Variants in STAT1 observed in about 807,000 individuals in gnomAD.
The protein encoded by STAT1 is signal transducer and activator of transcription 1-alpha/beta.
Under a neutral mutation model 111.7 loss-of-function variants are expected in STAT1, and 24 were observed. The observed-to-expected ratio is 0.21, with a 90% CI of 0.16 to 0.30. The LOEUF is 0.30. Among genes scored for constraint, STAT1 ranks in the 10% least tolerant of loss-of-function variants. The pLI is 1.00. For synonymous variants in STAT1, 332 were observed against 326.5 expected (o/e 1.02, Z -0.18); for missense variants, 351 against 911.9 (o/e 0.38, Z 7.92).
Position 190,970,619 on chromosome 2 carries a change from A to C in STAT1, c.*84T>G. 11 of 1,462,094 alleles carry C rather than the reference A, an allele frequency of 7.5e-6. No homozygotes were observed. Among genetic ancestry groups the C allele is most frequent in the Non-Finnish European group, 1.1e-5 (11 of 1,043,176 alleles). The allele number at this position is 1,462,094 out of a possible 1,614,324, so 90.6% of individuals were successfully genotyped here. ...CTTTCTTTCATTTCCCTAGAAACAC[A>C]GGATGTGAAGGAACAGAGTAGCAGG... On this transcript the variant is annotated 3_prime_UTR_variant, in exon 25 of 25. Transcript: ENST00000361099. This position sits in a 1 kb window ranked among gnomAD's most constrained non-coding sequence, Gnocchi z 5.4.
chr2:190,972,293 A>G (rs1031688766), intron 24 of STAT1, among the ~76,000 whole-genome samples: 6 of 152,252 alleles, frequency 3.9e-5, no homozygotes, highest in African/African-American at 1.4e-4. Context: ...TAGTCCTATC[A>G]TTATGAGCTT....
At chr2:190,985,333 T>C (rs763341593) in intron 15 of STAT1, among the ~76,000 whole-genome samples, 11 of 152,210 alleles carry the variant, frequency 7.2e-5, no homozygotes, top group Non-Finnish European at 1.5e-4. Flanking sequence ...TGTGAGTCAA[T>C]TTCTTCACCC....
At chr2:190,988,595 G>T (rs1214321903) in intron 12 of STAT1, among the ~76,000 whole-genome samples, 1 of 152,154 alleles carries the variant, frequency 6.6e-6, no homozygotes, top group Non-Finnish European at 1.5e-5. Flanking sequence ...GGCCAGGCCG[G>T]TCTCAAACTC....
At chr2:190,992,793 CTT>C (rs112075173) in intron 10 of STAT1, 4,102 of 369,546 alleles carry the variant, frequency 0.011, no homozygotes, top group South Asian at 0.017. Flanking sequence ...TGCATTCTTT[CTT>C]TTTTTTTTTT....
chr2:190,974,699 AG>A lies in STAT1; in HGVS notation c.2238+130del, dbSNP rs1378915636. ...GCTCCAACTTGTCATGGCTCATCTG[AG>A]CACTGCACTCTCCTTGGCTCCGCCA... On this transcript the variant is annotated intron_variant, in intron 24 of 24. Coordinates refer to ENST00000361099, the MANE Select transcript of STAT1 (RefSeq NM_007315.4). The surrounding 1 kb of genome is among the most constrained non-coding windows in gnomAD (Gnocchi z 4.8). 1.5e-5 allele frequency: 12 copies of A among 779,076 alleles called. No individual in the cohort carries two copies. The highest frequency in any genetic ancestry group is 2.5e-5 in the Non-Finnish European group (11 of 443,770). 48.3% of individuals were successfully genotyped at this position (779,076 alleles called of 1,614,324 possible).
chr2:190,971,419 A>G lies in STAT1; in HGVS notation c.2239-702T>C, dbSNP rs1161414696. ...TGTGAGGGTGCATGTGCTTACTGGT[A>G]TCTATTTGGTAGAAGCCAGAGGTGT... On this transcript the variant is annotated intron_variant, in intron 24 of 24. Transcript: ENST00000361099. The surrounding 1 kb of genome is among the most constrained non-coding windows in gnomAD (Gnocchi z 4.1). Among the ~76,000 whole-genome samples the G allele has an allele frequency of 6.6e-6, 1 of 152,102 alleles. No individual in the cohort carries two copies. The highest frequency in any genetic ancestry group is 1.9e-4 in the East Asian group (1 of 5,180).
intron 1 of STAT1, 85 bp from the exon 2 acceptor site, chr2:191,013,763 G>A (rs1467814913): frequency 2.5e-6 from 1 of 398,430 alleles, no homozygotes; most frequent in East Asian, 3.6e-5. Context: ...GTGCCTTCTA[G>A]AGGAAAATTA....
intron 4 of STAT1, chr2:191,008,110 A>G: frequency 2.4e-6 from 1 of 422,158 alleles, no homozygotes; most frequent in South Asian, 1.7e-5. Context: ...GCTAGTTTGC[A>G]AAACACTACC....
chr2:190,999,903 A>T lies in STAT1; in HGVS notation c.463-199T>A, dbSNP rs1210764963. ...TTAATAAGTATGTCATAACATTTTT[A>T]AAAAAGCAAACGTACAATAATTCTC... On this transcript the variant is annotated intron_variant, in intron 6 of 24. Transcript: ENST00000361099. The surrounding 1 kb of genome is among the most constrained non-coding windows in gnomAD (Gnocchi z 4.1). Among the ~76,000 whole-genome samples the T allele has an allele frequency of 2.0e-5, 3 of 152,224 alleles. No homozygotes were observed. Among genetic ancestry groups the T allele is most frequent in the Admixed American group, 6.5e-5 (1 of 15,286 alleles).
In STAT1 at chr2:190,975,729, A is replaced by G. The variant is rs927902093; in HGVS notation, c.2135+83T>C. 6 of 1,588,268 alleles carry G rather than the reference A, an allele frequency of 3.8e-6. No homozygotes were observed. Among genetic ancestry groups the G allele is most frequent in the Non-Finnish European group, 5.1e-6 (6 of 1,166,178 alleles). ...ATAGCAATTACAATGGAAAAGTAAA[A>G]TACAAGCATCTTCAACAGGCCCCAG... On this transcript the variant is annotated intron_variant, in intron 23 of 24. Transcript: ENST00000361099. The surrounding 1 kb of genome is among the most constrained non-coding windows in gnomAD (Gnocchi z 5.9).
In STAT1 at chr2:190,984,472, C is replaced by CA. The variant is rs777672254; in HGVS notation, c.1264-80dup. 1.6e-6 allele frequency: 2 copies of CA among 1,213,592 alleles called. No homozygotes were observed. Among genetic ancestry groups the CA allele is most frequent in the Non-Finnish European group, 2.4e-6 (2 of 829,366 alleles). The allele number at this position is 1,213,592 out of a possible 1,614,324, so 75.2% of individuals were successfully genotyped here. ...ACTTTCAAAAGCCCAATTAACATTG[C>CA]AACAGGCCACAGAGATCCTGGGCCC... is the stretch of plus-strand genomic sequence containing the variant. On this transcript the variant is annotated intron_variant, in intron 15 of 24. Transcript: ENST00000361099. The surrounding 1 kb of genome is among the most constrained non-coding windows in gnomAD (Gnocchi z 5.2).
Position 190,975,678 on chromosome 2 carries a change from T to A in STAT1, c.2135+134A>T, listed in dbSNP as rs116554639. 257 of 1,525,450 alleles carry A rather than the reference T, an allele frequency of 1.7e-4. No homozygotes were observed. The African/African-American group carries it at 3.2e-3, about 19-fold the overall frequency. The allele number at this position is 1,525,450 out of a possible 1,614,324, so 94.5% of individuals were successfully genotyped here. ...ATGCTGATAGGCAGTAACACGGGGATCTCAACAAGTTCAGCTGTGATGGCG... is the reference window on the plus strand; with the variant it reads ...ATGCTGATAGGCAGTAACACGGGGAACTCAACAAGTTCAGCTGTGATGGCG... On this transcript the variant is annotated intron_variant, in intron 23 of 24. Transcript: ENST00000361099. The surrounding 1 kb of genome is among the most constrained non-coding windows in gnomAD (Gnocchi z 5.9).
In STAT1 at chr2:190,975,395, G is replaced by T; in HGVS notation, c.2135+417C>A. ...CATTCACCCCAAGACAGTGCTGCAG[G>T]CCAAATAACTGACAATGACATTTCC... On this transcript the variant is annotated intron_variant, in intron 23 of 24. Transcript: ENST00000361099. The surrounding 1 kb of genome is among the most constrained non-coding windows in gnomAD (Gnocchi z 5.9). The T allele has an allele frequency of 1.9e-6, 1 of 523,766 alleles. No homozygotes were observed. Among genetic ancestry groups the T allele is most frequent in the Non-Finnish European group, 3.7e-6 (1 of 273,070 alleles). 32.4% of individuals were successfully genotyped at this position (523,766 alleles called of 1,614,324 possible).
rs189426060 is a variant in STAT1, at chr2:190,997,009, G to A, written c.785+847C>T. Among the ~76,000 whole-genome samples the A allele has an allele frequency of 1.3e-3, 191 of 152,302 alleles. No homozygotes were observed. Among genetic ancestry groups the A allele is most frequent in the African/African-American group, 4.3e-3 (178 of 41,566 alleles). ...TGCCTTGGCTCAGCAGTACAGCTGC[G>A]TACATCCCCCATTCCCAGCATGGTG... On this transcript the variant is annotated intron_variant, in intron 9 of 24. Transcript: ENST00000361099. This position sits in a 1 kb window ranked among gnomAD's most constrained non-coding sequence, Gnocchi z 7.3.
Position 190,971,990 on chromosome 2 carries a change from G to A in STAT1, c.2239-1273C>T, listed in dbSNP as rs542536701. On this transcript the variant is annotated intron_variant, in intron 24 of 24. Transcript: ENST00000361099. This position sits in a 1 kb window ranked among gnomAD's most constrained non-coding sequence, Gnocchi z 4.1. ...GGCCTCCCAAAATGTTGAGATTACA[G>A]GCGTGAGCCACCGCGCCCGGCCTGG... Among the ~76,000 whole-genome samples, 24 of 152,270 alleles carry A rather than the reference G, an allele frequency of 1.6e-4. No homozygotes were observed. Among genetic ancestry groups the A allele is most frequent in the African/African-American group, 5.8e-4 (24 of 41,552 alleles).
chr2:190,986,141 G>GAGGGTATT lies in STAT1; in HGVS notation c.1222-482_1222-481insAATACCCT, dbSNP rs1692797328. On this transcript the variant is annotated intron_variant, in intron 14 of 24. Coordinates refer to ENST00000361099, the MANE Select transcript of STAT1 (RefSeq NM_007315.4). The surrounding 1 kb of genome is among the most constrained non-coding windows in gnomAD (Gnocchi z 5.0). ...CGGCTCTGAATACCCTCAGGCACCT[G>GAGGGTATT]AGTTGGGCTAAGCTTTCGAGTTAGG... Among the ~76,000 whole-genome samples the GAGGGTATT allele has an allele frequency of 6.6e-6, 1 of 152,216 alleles. No individual in the cohort carries two copies. The highest frequency in any genetic ancestry group is 1.5e-5 in the Non-Finnish European group (1 of 68,050).
chr2:190,985,792 G>A lies in STAT1; in HGVS notation c.1222-132C>T, dbSNP rs895958141. The A allele has an allele frequency of 5.8e-5, 57 of 982,128 alleles. 1 individual carries two copies. The South Asian group carries it at 7.6e-4, about 13-fold the overall frequency. The allele number at this position is 982,128 out of a possible 1,614,324, so 60.8% of individuals were successfully genotyped here. A position where few individuals can be genotyped will look rare whatever the true frequency, so the allele number is the denominator to read the frequency against. The stretch of plus-strand genomic sequence containing the variant: ...ACTTTATCTTTAGAATGCAGAACAT[G>A]GGACAAATTGGCCCTCGTTCAGGGT... On this transcript the variant is annotated intron_variant, in intron 14 of 24. Transcript: ENST00000361099.
At position 190,976,783 on chromosome 2, in the gene STAT1, C is replaced by A; in HGVS notation, c.2059+57G>T. ...TGCATGGGTGGAGTTTCAGAATAAT[C>A]ACCCCCTCATCAGGAAAGACTGTGC... is the stretch of plus-strand genomic sequence containing the variant. On this transcript the variant is annotated intron_variant, in intron 22 of 24. Transcript: ENST00000361099. The surrounding 1 kb of genome is among the most constrained non-coding windows in gnomAD (Gnocchi z 6.0). 2.1e-6 allele frequency: 3 copies of A among 1,461,942 alleles called. No individual in the cohort carries two copies. Among genetic ancestry groups the A allele is most frequent in the South Asian group, 1.1e-5 (1 of 87,604 alleles). The allele number at this position is 1,461,942 out of a possible 1,614,324, so 90.6% of individuals were successfully genotyped here.
In STAT1 at chr2:190,975,224, T is replaced by C; in HGVS notation, c.2136-292A>G. Reference sequence around the variant, plus strand: ...TAAGCCTAGGTGTGAGCATGTGCGGTGCACTACCCTGAGATGACAATGCCT... The same window carrying C: ...TAAGCCTAGGTGTGAGCATGTGCGGCGCACTACCCTGAGATGACAATGCCT... On this transcript the variant is annotated intron_variant, in intron 23 of 24. Transcript: ENST00000361099. The surrounding 1 kb of genome is among the most constrained non-coding windows in gnomAD (Gnocchi z 5.9). The C allele has an allele frequency of 2.2e-6, 1 of 459,292 alleles. No homozygotes were observed. The highest frequency in any genetic ancestry group is 1.8e-5 in the South Asian group (1 of 54,404). 28.5% of individuals were successfully genotyped at this position (459,292 alleles called of 1,614,324 possible).
Sources: allele counts gnomAD v4.1 joint callset (sites outside exome capture counted in the v4.1 genomes callset), GRCh38; gene constraint gnomAD v4.1.1; non-coding constraint Gnocchi (gnomAD v3.1); transcripts MANE v1.5; gene names NCBI Gene and HGNC (gene_info 2026-07-23, HGNC 2026-07-21).